The following MYT1 variants were observed in gnomAD, a reference collection of about 807,000 sequenced individuals.
MYT1 encodes myelin transcription factor I.
Under a neutral mutation model 123.0 loss-of-function variants are expected in MYT1, and 23 were observed. That is an observed-to-expected ratio of 0.19 (90% CI 0.13 to 0.26). The LOEUF is 0.26. MYT1 is among the 10% of genes least tolerant of loss of function. The pLI is 1.00. For missense variants in MYT1, 1,125 were observed against 1,472.5 expected, an observed-to-expected ratio of 0.76 and a Z score of 3.86; for synonymous variants, 518 against 575.3, an observed-to-expected ratio of 0.90 and a Z score of 1.43.
At chr20:64,236,523 G>T (rs1171072187) in intron 19 of MYT1, 32 bp from the exon 20 acceptor site, 1 of 1,584,898 alleles carries the variant, frequency 6.3e-7, no homozygotes, top group Admixed American at 1.7e-5. Context: ...GTGACCCTGG[G>T]CTGGTGAATG....
Position 64,185,956 on chromosome 20 carries a change from T to A in MYT1, c.-98-4107T>A, listed in dbSNP as rs1435596556. On this transcript the variant is annotated intron_variant, in intron 1 of 22. Transcript: ENST00000328439. This position sits in a 1 kb window ranked among gnomAD's most constrained non-coding sequence, Gnocchi z 4.5. The stretch of plus-strand genomic sequence containing the variant: ...GTCTGGGGCCTGGGTCAGGCTGGTC[T>A]CCAGTTTGCAGTGCTGCTGAGTTGG... Among the ~76,000 whole-genome samples, 2 of 152,132 alleles carry A rather than the reference T, an allele frequency of 1.3e-5. No individual in the cohort carries two copies. The highest frequency in any genetic ancestry group is 4.8e-5 in the African/African-American group (2 of 41,430).
At chr20:64,172,967 G>A (rs1319736758) in intron 1 of MYT1, among the ~76,000 whole-genome samples, 2 of 151,942 alleles carry the variant, frequency 1.3e-5, no homozygotes, top group Non-Finnish European at 2.9e-5. Flanking sequence ...GCCCTCAAGT[G>A]ATCCACCCAC....
Position 64,240,790 on chromosome 20 carries a change from T to C in MYT1, c.*342T>C. ...GTTTTGGAGTTTGCAACCACAGTATTCCTTTGTCTGTCGAGGCTGGGAGGG... is the reference window on the plus strand; with the variant it reads ...GTTTTGGAGTTTGCAACCACAGTATCCCTTTGTCTGTCGAGGCTGGGAGGG... On this transcript the variant is annotated 3_prime_UTR_variant, in exon 23 of 23. Coordinates refer to ENST00000328439, the MANE Select transcript of MYT1 (RefSeq NM_004535.3). 1 of 234,876 alleles carries C rather than the reference T, an allele frequency of 4.3e-6. No individual in the cohort carries two copies. 14.5% of individuals were successfully genotyped at this position (234,876 alleles called of 1,614,324 possible). A position where few individuals can be genotyped will look rare whatever the true frequency, so the allele number is the denominator to read the frequency against.
intron 6 of MYT1, 130 bp downstream of exon 6, chr20:64,205,930 C>T: frequency 7.1e-7 from 1 of 1,409,200 alleles, no homozygotes; most frequent in Non-Finnish European, 9.5e-7. Flanking sequence ...CATGTCTTGT[C>T]CCAACATGTG....
At chr20:64,204,090 G>A (rs1983405232) in intron 4 of MYT1, among the ~76,000 whole-genome samples, 1 of 152,194 alleles carries the variant, frequency 6.6e-6, no homozygotes, top group African/African-American at 2.4e-5. Context: ...CTTGAGCCGT[G>A]GATGCATCCG....
In MYT1 at chr20:64,208,219, T is replaced by C. The variant is rs1363385760; in HGVS notation, c.1023T>C (p.Ser341=). 1.9e-6 allele frequency: 3 copies of C among 1,614,014 alleles called. No individual in the cohort carries two copies. Among genetic ancestry groups the C allele is most frequent in the Admixed American group, 1.7e-5 (1 of 60,026 alleles). ...PESPSPKPEY[S]VIVEVRSDDD... ...CACCCAGTCCCAAGCCTGAGTACTCTGTTATTGTGGAGGTCCGCTCGGATG... is the reference window on the plus strand; with the variant it reads ...CACCCAGTCCCAAGCCTGAGTACTCCGTTATTGTGGAGGTCCGCTCGGATG... The change falls in exon 7 of 23, where the codon TCT becomes TCC. Residue 341 remains serine (S), a synonymous_variant. Coordinates refer to ENST00000328439, the MANE Select transcript of MYT1 (RefSeq NM_004535.3). The surrounding 1 kb of genome is among the most constrained non-coding windows in gnomAD (Gnocchi z 5.4).
chr20:64,211,419 A>C, intron 8 of MYT1, 79 bp downstream of exon 8: 1 of 1,468,978 alleles, frequency 6.8e-7, no homozygotes, highest in Non-Finnish European at 9.3e-7. Context: ...GTCTATGGGG[A>C]GGCGTGGCCT....
intron 11 of MYT1, 118 bp downstream of exon 11, chr20:64,217,399 C>T (rs1983870790): frequency 1.8e-6 from 2 of 1,121,518 alleles, no homozygotes; most frequent in South Asian, 1.4e-5. Context: ...AAACTCTACC[C>T]TCATGGGAGG....
intron 16 of MYT1, among the ~76,000 whole-genome samples, chr20:64,225,851 A>C (rs1298022762): frequency 6.6e-6 from 1 of 152,134 alleles, no homozygotes; most frequent in Non-Finnish European, 1.5e-5. Flanking sequence ...GGACTGCAGG[A>C]TGGCCCCCCC....
chr20:64,176,941 T>C (rs577279040), intron 1 of MYT1, among the ~76,000 whole-genome samples: 23 of 152,252 alleles, frequency 1.5e-4, no homozygotes, highest in Non-Finnish European at 2.6e-4. Context: ...CTGTTGTTTT[T>C]ACAGCGTTGG....
chr20:64,177,930 G>A (rs535101783), intron 1 of MYT1, among the ~76,000 whole-genome samples: 1 of 152,312 alleles, frequency 6.6e-6, no homozygotes, highest in South Asian at 2.1e-4. Flanking sequence ...ATCCCTGAGA[G>A]AAACCCTGGG....
rs375645945 is a variant in MYT1, at chr20:64,237,342, C to T, written c.3045C>T (p.Asn1015=). ...TGAACCAGGAGATCCGAGACCTGAACGAGTCCAACTCGGAGATGGAGGCTG... is the reference window on the plus strand; with the variant it reads ...TGAACCAGGAGATCCGAGACCTGAATGAGTCCAACTCGGAGATGGAGGCTG... ...KQLNQEIRDL[N]ESNSEMEAAM... is the part of the protein sequence containing the mutation. The change falls in exon 21 of 23, where the codon AAC becomes AAT. Residue 1015 remains asparagine, a synonymous_variant. Coordinates refer to ENST00000328439, the MANE Select transcript of MYT1 (RefSeq NM_004535.3). 3.4e-5 allele frequency: 54 copies of T among 1,610,544 alleles called. No individual in the cohort carries two copies. Among genetic ancestry groups the T allele is most frequent in the Non-Finnish European group, 4.2e-5 (49 of 1,179,220 alleles).
Position 64,231,660 on chromosome 20 carries a change from G to A in MYT1, c.2676-504G>A, listed in dbSNP as rs1462937675. Reference sequence around the variant, plus strand: ...ACTGGCCTCAGTCTGGGAGGCTGTGGGGTGACAGGCCTCTGCTGTCCCTGA... The same window carrying A: ...ACTGGCCTCAGTCTGGGAGGCTGTGAGGTGACAGGCCTCTGCTGTCCCTGA... On this transcript the variant is annotated intron_variant, in intron 18 of 22. Coordinates refer to ENST00000328439, the MANE Select transcript of MYT1 (RefSeq NM_004535.3). This position sits in a 1 kb window ranked among gnomAD's most constrained non-coding sequence, Gnocchi z 6.4. Among the ~76,000 whole-genome samples the A allele has an allele frequency of 6.6e-6, 1 of 152,190 alleles. No individual in the cohort carries two copies. Among genetic ancestry groups the A allele is most frequent in the East Asian group, 1.9e-4 (1 of 5,184 alleles).
rs147056820 is a variant in MYT1 at position 64,168,342 on chromosome 20, C to T, written c.-99+3603C>T. ...CAGATACAAGTGTGGAGTCTTTTCT[C>T]CCCAGGGTTAATGCCATTAGGAGCG... On this transcript the variant is annotated intron_variant, in intron 1 of 22. Coordinates refer to ENST00000328439, the MANE Select transcript of MYT1 (RefSeq NM_004535.3). This position sits in a 1 kb window ranked among gnomAD's most constrained non-coding sequence, Gnocchi z 6.1. Among the ~76,000 whole-genome samples the T allele has an allele frequency of 2.1e-3, 315 of 152,338 alleles. 2 individuals are homozygous for T. The East Asian group carries it at 0.025, about 12-fold the overall frequency.
intron 14 of MYT1, 74 bp from the exon 15 acceptor site, chr20:64,223,037 C>T (rs1237904340): frequency 8.9e-6 from 14 of 1,569,556 alleles, no homozygotes; most frequent in Non-Finnish European, 1.1e-5. Flanking sequence ...ACCAGTCTCC[C>T]TCGCAGAGCA....
chr20:64,200,153 G>A (rs1035188674), intron 4 of MYT1, among the ~76,000 whole-genome samples: 2 of 152,184 alleles, frequency 1.3e-5, no homozygotes, highest in African/African-American at 4.8e-5. Flanking sequence ...CAGCATCATG[G>A]CAAGGACACG....
chr20:64,194,317 C>T (rs768338075), intron 2 of MYT1, among the ~76,000 whole-genome samples: 20 of 152,216 alleles, frequency 1.3e-4, no homozygotes, highest in Admixed American at 7.2e-4. Context: ...GCCTCCCACC[C>T]CAGATGTCCT....
Position 64,238,701 on chromosome 20 carries a change from C to A in MYT1, c.3094-1059C>A, listed in dbSNP as rs546907639. ...CTGTTGTGTGGGTGTCCATTTTGTG[C>A]TCCCTGCTCCTCCCCTTCTCAGAGT... On this transcript the variant is annotated intron_variant, in intron 21 of 22. Transcript: ENST00000328439. 9.8e-5 allele frequency among the ~76,000 whole-genome samples: 15 copies of A among 152,360 alleles called. 1 individual carries two copies. In the South Asian group the frequency reaches 1.9e-3, roughly 19 times the overall value.
chr20:64,223,386 T>C, intron 16 of MYT1, 27 bp downstream of exon 16: 1 of 1,613,132 alleles, frequency 6.2e-7, no homozygotes, highest in South Asian at 1.1e-5. Flanking sequence ...TGACCTCCTG[T>C]CTCTTGGGCG....
Sources: allele counts gnomAD v4.1 joint callset (sites outside exome capture counted in the v4.1 genomes callset), GRCh38; gene constraint gnomAD v4.1.1; non-coding constraint Gnocchi (gnomAD v3.1); transcripts MANE v1.5; gene names NCBI Gene and HGNC (gene_info 2026-07-23, HGNC 2026-07-21).